The following SSUH2 variants were observed in gnomAD, a reference collection of about 807,000 sequenced individuals.
SSUH2 encodes the protein protein SSUH2 homolog.
Under a neutral mutation model 55.3 loss-of-function variants are expected in SSUH2, and 47 were observed. That is an observed-to-expected ratio of 0.85 (90% CI 0.67 to 1.08). The LOEUF is 1.08. Among genes scored for constraint, SSUH2 ranks in the 50% least tolerant of loss-of-function variants. The pLI, the probability that SSUH2 is intolerant of heterozygous loss-of-function variation, is 0.00. For missense variants in SSUH2, 535 were observed against 490.7 expected, an observed-to-expected ratio of 1.09 and a Z score of -0.85; for synonymous variants, 212 against 191.5, an observed-to-expected ratio of 1.11 and a Z score of -0.89.
chr3:8,680,141 G>A (rs1040776404), intron 1 of SSUH2, among the ~76,000 whole-genome samples: 1 of 152,200 alleles, frequency 6.6e-6, no homozygotes, highest in African/African-American at 2.4e-5. Flanking sequence ...TGGGACCCTG[G>A]CCGAGGCCGG....
At chr3:8,637,764 C>T (rs150093425) in intron 1 of SSUH2, among the ~76,000 whole-genome samples, 633 of 152,294 alleles carry the variant, frequency 4.2e-3, no homozygotes, top group African/African-American at 0.014. Flanking sequence ...TGGAAGGGGA[C>T]ACCGTCTGTC....
Position 8,644,713 on chromosome 3 carries a change from C to T in SSUH2, c.28+18G>A. The T allele has an allele frequency of 6.5e-7, 1 of 1,535,486 alleles. No individual in the cohort carries two copies. Among genetic ancestry groups the T allele is most frequent in the African/African-American group, 1.4e-5 (1 of 73,154 alleles). ...ATCTCCACACAGTCTTCCGTGCCAT[C>T]TTTGAGGCTCTACTTACTGTCATCT... On this transcript the variant is annotated intron_variant, in intron 1 of 11. Coordinates refer to ENST00000544814, the MANE Select transcript of SSUH2 (RefSeq NM_001256748.3).
chr3:8,667,775 C>T (rs761500628), intron 5 of SSUH2, among the ~76,000 whole-genome samples: 2 of 152,214 alleles, frequency 1.3e-5, no homozygotes, highest in Non-Finnish European at 2.9e-5. Flanking sequence ...TAACCAGCCC[C>T]ACCCTGAACC....
chr3:8,662,702 A>C (rs1032264297), intron 6 of SSUH2, among the ~76,000 whole-genome samples: 5 of 152,164 alleles, frequency 3.3e-5, no homozygotes, highest in Non-Finnish European at 4.4e-5. Context: ...ACATCAGAGA[A>C]CATCATTACC....
At position 8,662,076 on chromosome 3, in the gene SSUH2, A is replaced by C. The variant is rs563204479; in HGVS notation, c.-396+1668T>G. 4.6e-5 allele frequency among the ~76,000 whole-genome samples: 7 copies of C among 152,216 alleles called. No individual in the cohort carries two copies. In the South Asian group the frequency reaches 8.3e-4, roughly 18 times the overall value. On this transcript the variant is annotated intron_variant, in intron 6 of 18. Transcript: ENST00000317371. ...TCCATTAAACCTTCTTTTCTTTATA[A>C]ATTATCCGGTCTCAGGTATGTCTTC...
At chr3:8,650,219 T>C (rs1207824090) in intron 7 of SSUH2, among the ~76,000 whole-genome samples, 1 of 152,220 alleles carries the variant, frequency 6.6e-6, no homozygotes, top group African/African-American at 2.4e-5. Flanking sequence ...TCAGACCCTC[T>C]TTCCTGCTTT....
At chr3:8,652,677 CCT>C (rs1221379692) in intron 7 of SSUH2, among the ~76,000 whole-genome samples, 1 of 152,192 alleles carries the variant, frequency 6.6e-6, no homozygotes, top group African/African-American at 2.4e-5. Context: ...CATGTTTTCC[CCT>C]GATATACCTA....
chr3:8,660,139 G>C (rs1703332497), intron 6 of SSUH2, among the ~76,000 whole-genome samples: 2 of 152,212 alleles, frequency 1.3e-5, no homozygotes, highest in South Asian at 4.1e-4. Context: ...AACAGGCAGG[G>C]TTGGGGACCA....
At chr3:8,633,464 A>T (rs1432392687) in intron 4 of SSUH2, among the ~76,000 whole-genome samples, 1 of 152,122 alleles carries the variant, frequency 6.6e-6, no homozygotes, top group Non-Finnish European at 1.5e-5. Context: ...CCGGCCTGAC[A>T]CTTGTTCTTT....
chr3:8,679,151 C>T (rs1233362599), intron 2 of SSUH2, among the ~76,000 whole-genome samples: 3 of 87,720 alleles, frequency 3.4e-5, no homozygotes, highest in African/African-American at 3.8e-5. Flanking sequence ...CCCCGCGAGG[C>T]GGGGACTGAG....
chr3:8,666,829 T>C (rs1426865856), intron 5 of SSUH2, among the ~76,000 whole-genome samples: 2 of 152,202 alleles, frequency 1.3e-5, no homozygotes, highest in Admixed American at 6.5e-5. Flanking sequence ...CTGCTTCAAG[T>C]TGGCCTCCCA....
chr3:8,656,859 T>TGTGG (rs1702982491), intron 7 of SSUH2, among the ~76,000 whole-genome samples: 2 of 125,330 alleles, frequency 1.6e-5, no homozygotes, highest in African/African-American at 5.9e-5. Context: ...TGCTTCATTT[T>TGTGG]TTGGTTTGTT....
In SSUH2 at chr3:8,678,753, G is replaced by T. The variant is rs1424614723; in HGVS notation, c.-901+952C>A. On this transcript the variant is annotated intron_variant, in intron 2 of 18. Transcript: ENST00000317371. ...GGGGGGAGGCACCACACGCGAGGCG[G>T]GGAAAGAGAGCCAGCCCCTCTTCCC... Among the ~76,000 whole-genome samples the T allele has an allele frequency of 2.2e-5, 2 of 92,268 alleles. 1 individual carries two copies. Among genetic ancestry groups the T allele is most frequent in the Non-Finnish European group, 4.9e-5 (2 of 41,022 alleles). The allele number at this position is 92,268 out of a possible 152,430, so 60.5% of individuals were successfully genotyped here.
At chr3:8,638,502 A>G (rs1047340116) in intron 1 of SSUH2, among the ~76,000 whole-genome samples, 2 of 152,234 alleles carry the variant, frequency 1.3e-5, no homozygotes, top group African/African-American at 4.8e-5. Context: ...GACCGGAGTC[A>G]GAAACCCAAA....
intron 2 of SSUH2, 78 bp downstream of exon 2, chr3:8,635,681 C>T: frequency 2.2e-6 from 3 of 1,340,732 alleles, no homozygotes; most frequent in Admixed American, 4.9e-5. Flanking sequence ...CTCAGCACCA[C>T]CTTTTTCCCG....
chr3:8,666,390 C>G (rs1703993082), intron 5 of SSUH2, among the ~76,000 whole-genome samples: 4 of 151,980 alleles, frequency 2.6e-5, no homozygotes, highest in Admixed American at 2.0e-4. Flanking sequence ...CTAAGTACAC[C>G]AAGTATCTTA....
intron 7 of SSUH2, among the ~76,000 whole-genome samples, chr3:8,657,590 G>T (rs1262401064): frequency 1.3e-5 from 2 of 152,172 alleles, no homozygotes; most frequent in Non-Finnish European, 2.9e-5. Flanking sequence ...GCCTGGAGGA[G>T]GCGAGGCTGA....
intron 3 of SSUH2, chr3:8,634,086 G>C: frequency 2.3e-6 from 2 of 854,764 alleles, no homozygotes; most frequent in Non-Finnish European, 3.6e-6. Context: ...CAACCTTAGA[G>C]AGGAATTGTA....
intron 3 of SSUH2, among the ~76,000 whole-genome samples, chr3:8,673,811 G>T (rs1559545675): frequency 6.6e-6 from 1 of 152,128 alleles, no homozygotes; most frequent in African/African-American, 2.4e-5. Context: ...ACTGAGACCG[G>T]GAAGCTCTCT....
Sources: gnomAD v4.1 joint callset for allele counts (sites outside exome capture counted in the v4.1 genomes callset) on GRCh38, gnomAD v4.1.1 for gene constraint, MANE v1.5 for transcripts, NCBI Gene and HGNC (gene_info 2026-07-23, HGNC 2026-07-21) for gene names.